Variants in DGKI observed in about 807,000 individuals in gnomAD.
The protein encoded by DGKI is diacylglycerol kinase iota, also known as DAG kinase iota.
Under a neutral mutation model 147.5 loss-of-function variants are expected in DGKI, and 55 were observed. The observed-to-expected ratio is 0.37, with a 90% confidence interval of 0.30 to 0.47. DGKI has a LOEUF of 0.47. DGKI is among the 20% of genes least tolerant of loss of function. The probability of loss-of-function intolerance (pLI) is 1.00; values close to 1 mark genes in which losing one functional copy is unlikely to be tolerated. For missense variants in DGKI, 1,007 were observed against 1,323.8 expected (o/e 0.76, Z 3.71); for synonymous variants, 469 against 477.1 (o/e 0.98, Z 0.22).
intron 1 of DGKI, among the ~76,000 whole-genome samples, chr7:137,765,837 T>G (rs1400323149): frequency 6.6e-6 from 1 of 152,116 alleles, no homozygotes; most frequent in African/African-American, 2.4e-5. Flanking sequence ...TCCCACTGGC[T>G]AAAGAGAGAA....
chr7:137,818,208 T>G (rs1455064417), intron 1 of DGKI, among the ~76,000 whole-genome samples: 1 of 152,202 alleles, frequency 6.6e-6, no homozygotes, highest in Non-Finnish European at 1.5e-5. Context: ...GCTCTGAAGT[T>G]GGTCCAAACT....
intron 27 of DGKI, among the ~76,000 whole-genome samples, chr7:137,456,057 G>C (rs1244235799): frequency 1.3e-5 from 2 of 152,146 alleles, no homozygotes; most frequent in Non-Finnish European, 2.9e-5. Flanking sequence ...GTTTATTTTG[G>C]AGGTGAATGC....
intron 20 of DGKI, among the ~76,000 whole-genome samples, chr7:137,546,577 C>A (rs1817874143): frequency 6.6e-6 from 1 of 152,186 alleles, no homozygotes; most frequent in South Asian, 2.1e-4. Flanking sequence ...ATCATTCCAC[C>A]CACATTCTGG....
chr7:137,801,492 C>T (rs1384162367), intron 1 of DGKI, among the ~76,000 whole-genome samples: 1 of 152,184 alleles, frequency 6.6e-6, no homozygotes, highest in Non-Finnish European at 1.5e-5. Flanking sequence ...TTGGGACCCT[C>T]CAGTTTCTAA....
Position 137,562,721 on chromosome 7 carries a change from A to T in DGKI, c.1947+8454T>A, listed in dbSNP as rs138897929. Among the ~76,000 whole-genome samples, 36 of 152,344 alleles carry T rather than the reference A, an allele frequency of 2.4e-4. 1 individual carries two copies. Among genetic ancestry groups the T allele is most frequent in the African/African-American group, 8.7e-4 (36 of 41,578 alleles). On this transcript the variant is annotated intron_variant, in intron 19 of 32. Transcript: ENST00000614521. ...AATGAACAAGTTTCATGAAATATTT[A>T]ACTTAATAAAGTTGACTCAAGAAGA...
chr7:137,505,188 C>T (rs1011972960), intron 21 of DGKI, among the ~76,000 whole-genome samples: 1 of 152,036 alleles, frequency 6.6e-6, no homozygotes, highest in Non-Finnish European at 1.5e-5. Flanking sequence ...TTAAATTTTG[C>T]ACAAATTTCT....
Position 137,578,036 on chromosome 7 carries a change from C to T in DGKI, c.1698+234G>A, listed in dbSNP as rs555897013. ...TCTTCTCTTGTTCAACATGAAGCCT[C>T]GGGGCTTGCTTAAAAGCTCAGAGAT... is the stretch of plus-strand genomic sequence containing the variant. On this transcript the variant is annotated intron_variant, in intron 16 of 32. Transcript: ENST00000614521. Among the ~76,000 whole-genome samples, 4 of 152,254 alleles carry T rather than the reference C, an allele frequency of 2.6e-5. No individual in the cohort carries two copies. In the East Asian group the frequency reaches 5.8e-4, roughly 22 times the overall value.
chr7:137,469,517 T>A (rs761573799), intron 24 of DGKI, 33 bp downstream of exon 24: 6 of 1,611,238 alleles, frequency 3.7e-6, no homozygotes, highest in Non-Finnish European at 5.1e-6. Flanking sequence ...CTTCCCCAAC[T>A]CCCACGATAC....
chr7:137,455,101 CCA>C (rs926992936), intron 27 of DGKI, among the ~76,000 whole-genome samples: 9 of 152,104 alleles, frequency 5.9e-5, no homozygotes, highest in African/African-American at 2.2e-4. Context: ...ACTTCTGATC[CCA>C]GTTTTAGAAA....
At chr7:137,532,331 A>G (rs931795703) in intron 20 of DGKI, among the ~76,000 whole-genome samples, 1 of 152,226 alleles carries the variant, frequency 6.6e-6, no homozygotes, top group African/African-American at 2.4e-5. Context: ...GATTGACCTG[A>G]CAATAAGCGG....
chr7:137,588,634 G>T (rs562600603), intron 12 of DGKI, among the ~76,000 whole-genome samples: 1 of 151,940 alleles, frequency 6.6e-6, no homozygotes, highest in African/African-American at 2.4e-5. Context: ...ATGCCACCAC[G>T]CCGGGCGAAT....
chr7:137,803,741 C>T (rs1797281729), intron 1 of DGKI, among the ~76,000 whole-genome samples: 2 of 152,122 alleles, frequency 1.3e-5, no homozygotes, highest in Non-Finnish European at 2.9e-5. Flanking sequence ...ACCATTTCTG[C>T]AAATGAAACA....
chr7:137,559,832 A>G (rs1818357673), intron 19 of DGKI, among the ~76,000 whole-genome samples: 1 of 152,202 alleles, frequency 6.6e-6, no homozygotes, highest in Non-Finnish European at 1.5e-5. Flanking sequence ...AGGTAGCTAT[A>G]TGGACAATCA....
intron 23 of DGKI, among the ~76,000 whole-genome samples, chr7:137,471,956 T>TG (rs1179115458): frequency 3.9e-5 from 5 of 128,542 alleles, no homozygotes; most frequent in South Asian, 2.3e-4. Context: ...CATGTATATA[T>TG]TATATATTAT....
intron 16 of DGKI, among the ~76,000 whole-genome samples, chr7:137,577,515 G>A (rs1819026360): frequency 6.6e-6 from 1 of 152,160 alleles, no homozygotes; most frequent in South Asian, 2.1e-4. Flanking sequence ...CACAGAATGA[G>A]AGTGAAAAAT....
At chr7:137,753,008 C>T (rs1333104900) in intron 1 of DGKI, among the ~76,000 whole-genome samples, 5 of 151,378 alleles carry the variant, frequency 3.3e-5, no homozygotes, top group African/African-American at 7.3e-5. Context: ...CAAACATACA[C>T]GTGTTACTAG....
chr7:137,482,404 C>G lies in DGKI; in HGVS notation c.2373+2970G>C, dbSNP rs571537969. On this transcript the variant is annotated intron_variant, in intron 23 of 32. Transcript: ENST00000614521. The stretch of plus-strand genomic sequence containing the variant: ...TAGAACAGTGGGCCCTCCTCTTTAA[C>G]TGAACTCCTCCCTAAGTGATCTCCT... Among the ~76,000 whole-genome samples, 4 of 151,896 alleles carry G rather than the reference C, an allele frequency of 2.6e-5. No homozygotes were observed. In the South Asian group the frequency reaches 6.2e-4, roughly 24 times the overall value.
intron 1 of DGKI, among the ~76,000 whole-genome samples, chr7:137,705,217 A>T (rs1338022935): frequency 6.6e-6 from 1 of 152,132 alleles, no homozygotes; most frequent in African/African-American, 2.4e-5. Flanking sequence ...TTAAACATAA[A>T]TATGCAATAT....
intron 19 of DGKI, among the ~76,000 whole-genome samples, chr7:137,565,261 G>A (rs1413280626): frequency 2.0e-5 from 3 of 151,294 alleles, no homozygotes; most frequent in African/African-American, 7.2e-5. Flanking sequence ...GCCATTTGTA[G>A]TATGGGTTTT....
Sources: gnomAD v4.1 joint callset for allele counts (sites outside exome capture counted in the v4.1 genomes callset) on GRCh38, gnomAD v4.1.1 for gene constraint, MANE v1.5 for transcripts, NCBI Gene and HGNC (gene_info 2026-07-23, HGNC 2026-07-21) for gene names.